GALK2: variants seen among roughly 807,000 people sequenced by gnomAD.
The protein encoded by GALK2 is galactokinase 2.
GALK2 carries 36 observed loss-of-function variants against 52.4 expected under a neutral mutation model. The ratio of observed to expected loss-of-function variants is 0.69; its 90% confidence interval spans 0.53 to 0.91. The LOEUF (loss-of-function observed/expected upper bound fraction) is 0.91, where lower values mean the gene tolerates loss of function less well. Among genes scored for constraint, GALK2 ranks in the 40% least tolerant of loss-of-function variants. The pLI is 0.00. For missense variants in GALK2, 579 were observed against 559.1 expected (o/e 1.04, Z -0.36); for synonymous variants, 176 against 199.1 (o/e 0.88, Z 0.98).
chr15:49,360,257 T>C (rs1567148570), intron 3 of GALK2, among the ~76,000 whole-genome samples: 1 of 150,832 alleles, frequency 6.6e-6, no homozygotes, highest in Non-Finnish European at 1.5e-5. Context: ...AAAAAAAGTC[T>C]GTGTATGCAT....
At chr15:49,267,061 GA>G (rs1195872234) in intron 5 of GALK2, among the ~76,000 whole-genome samples, 2 of 151,998 alleles carry the variant, frequency 1.3e-5, no homozygotes, top group Admixed American at 1.3e-4. Flanking sequence ...GGGTGTTAAA[GA>G]AAAAAATATT....
intron 2 of GALK2, among the ~76,000 whole-genome samples, chr15:49,209,640 G>A (rs1051488436): frequency 6.6e-6 from 1 of 152,072 alleles, no homozygotes; most frequent in African/African-American, 2.4e-5. Flanking sequence ...CGTATTTTTG[G>A]ATTTGTGTAT....
At chr15:49,200,308 G>T (rs967736503) in intron 1 of GALK2, among the ~76,000 whole-genome samples, 1 of 152,200 alleles carries the variant, frequency 6.6e-6, no homozygotes, top group African/African-American at 2.4e-5. Context: ...ATTAGAATTA[G>T]AACTGTGGTT....
intron 5 of GALK2, among the ~76,000 whole-genome samples, chr15:49,271,519 A>G (rs960068339): frequency 2.0e-5 from 3 of 152,326 alleles, no homozygotes; most frequent in African/African-American, 4.8e-5. Flanking sequence ...GAGATAAAGT[A>G]TAGTATTATG....
intron 5 of GALK2, among the ~76,000 whole-genome samples, chr15:49,246,936 T>C (rs1007593739): frequency 7.9e-5 from 12 of 152,226 alleles, no homozygotes; most frequent in African/African-American, 1.7e-4. Flanking sequence ...GTGCCCCTGC[T>C]TTTATGGAGT....
chr15:49,208,306 C>T (rs1453453538), intron 2 of GALK2, among the ~76,000 whole-genome samples: 4 of 152,184 alleles, frequency 2.6e-5, no homozygotes, highest in African/African-American at 4.8e-5. Context: ...GAACTTTCCT[C>T]TTAGCACTGC....
At chr15:49,340,756 T>C (rs2040600101) in intron 3 of GALK2, among the ~76,000 whole-genome samples, 1 of 152,210 alleles carries the variant, frequency 6.6e-6, no homozygotes, top group South Asian at 2.1e-4. Context: ...GTGCAGAAGC[T>C]CTTTAGTTTA....
At chr15:49,187,149 G>A (rs751836862) in intron 1 of GALK2, among the ~76,000 whole-genome samples, 2 of 152,164 alleles carry the variant, frequency 1.3e-5, no homozygotes, top group Non-Finnish European at 2.9e-5. Context: ...ATCTTTATTA[G>A]GGGGTACCCC....
In GALK2 at chr15:49,282,043, A is replaced by G. The variant is rs374509174; in HGVS notation, c.561A>G (p.Gly187=). Residue 187 remains glycine, a synonymous_variant, in exon 6 of 10, where the codon GGA becomes GGG. Coordinates refer to ENST00000560031, the MANE Select transcript of GALK2 (RefSeq NM_002044.4). ...KSERYIGTEG[G]GMDQSISFLA... ...AGCGTTACATTGGCACTGAAGGAGG[A>G]GGCATGGACCAGTCTATATCATTTC... 10 of 1,613,750 alleles carry G rather than the reference A, an allele frequency of 6.2e-6. No individual in the cohort carries two copies. In the South Asian group the frequency reaches 8.8e-5, roughly 14 times the overall value.
rs2029976413 is a variant in GALK2 at position 49,269,226 on chromosome 15, A to G, written c.505-12761A>G. Among the ~76,000 whole-genome samples, 7 of 152,188 alleles carry G rather than the reference A, an allele frequency of 4.6e-5. No homozygotes were observed. In the South Asian group the frequency reaches 1.2e-3, roughly 27 times the overall value. ...TTTTGGTTCTCCCATGGTGTGTAGC[A>G]TAGAGCCGCAAATATATATTTAAAA... On this transcript the variant is annotated intron_variant, in intron 5 of 9. Coordinates refer to ENST00000560031, the MANE Select transcript of GALK2 (RefSeq NM_002044.4).
chr15:49,186,311 CTT>C (rs2086334890), intron 1 of GALK2, among the ~76,000 whole-genome samples: 1 of 151,670 alleles, frequency 6.6e-6, no homozygotes, highest in Non-Finnish European at 1.5e-5. Context: ...ATTCTTTTTT[CTT>C]TTGTGTCCTC....
At chr15:49,301,546 A>G (rs922199553) in intron 8 of GALK2, among the ~76,000 whole-genome samples, 10 of 152,188 alleles carry the variant, frequency 6.6e-5, no homozygotes, top group Non-Finnish European at 1.5e-4. Context: ...GTATAACTCA[A>G]GAACACACAT....
chr15:49,223,177 A>T (rs2089926445), intron 3 of GALK2: 1 of 152,104 alleles, frequency 6.6e-6, no homozygotes, highest in Admixed American at 6.5e-5. Context: ...TGTATAGTAT[A>T]GTTGTTCATA....
In GALK2 at chr15:49,337,279, C is replaced by T. The variant is rs556878077; in HGVS notation, c.426+17474C>T. Among the ~76,000 whole-genome samples, 142 of 152,322 alleles carry T rather than the reference C, an allele frequency of 9.3e-4. 5 individuals carry two copies. The South Asian group carries it at 0.028, about 30-fold the overall frequency. On this transcript the variant is annotated intron_variant, in intron 3 of 3. Coordinates refer to the GALK2 transcript ENST00000558399. ...TTTGAGAAATCTCAACTACTTTTGA[C>T]AGTGGCTGAACTAATTTACGTTCCC...
intron 5 of GALK2, among the ~76,000 whole-genome samples, chr15:49,246,045 A>G (rs1447308060): frequency 3.9e-5 from 6 of 152,316 alleles, no homozygotes; most frequent in African/African-American, 7.2e-5. Flanking sequence ...CTATATAAAC[A>G]CCTTTCAGAA....
rs377590235 is a variant in GALK2 at position 49,175,376 on chromosome 15, G to T, written c.53+5001G>T. 5.0e-4 allele frequency among the ~76,000 whole-genome samples: 76 copies of T among 152,260 alleles called. 1 individual carries two copies. The highest frequency in any genetic ancestry group is 1.7e-3 in the African/African-American group (71 of 41,552). Reference sequence around the variant, plus strand: ...GTCCAATAGCTGCTATTGCTAGGGGGTTTAGCAAGAGAGTGGTTTTACTTG... The same window carrying T: ...GTCCAATAGCTGCTATTGCTAGGGGTTTTAGCAAGAGAGTGGTTTTACTTG... On this transcript the variant is annotated intron_variant, in intron 1 of 9. Transcript: ENST00000560031.
intron 7 of GALK2, among the ~76,000 whole-genome samples, chr15:49,288,633 C>T (rs934895335): frequency 4.6e-5 from 7 of 152,170 alleles, no homozygotes; most frequent in Non-Finnish European, 7.3e-5. Context: ...TCTGCCAAGA[C>T]TCTGGCATGG....
At chr15:49,239,107 A>G (rs1245218124) in intron 4 of GALK2, 114 bp from the exon 5 acceptor site, 9 of 805,268 alleles carry the variant, frequency 1.1e-5, no homozygotes, top group Non-Finnish European at 1.8e-5. Flanking sequence ...AGTAGTTTCT[A>G]TAACTATTAT....
chr15:49,338,137 G>A (rs1596283924), intron 3 of GALK2, among the ~76,000 whole-genome samples: 1 of 152,136 alleles, frequency 6.6e-6, no homozygotes, highest in Non-Finnish European at 1.5e-5. Flanking sequence ...TACATTTAAG[G>A]TTAATATTGT....
Sources: allele counts gnomAD v4.1 joint callset (sites outside exome capture counted in the v4.1 genomes callset), GRCh38; gene constraint gnomAD v4.1.1; transcripts MANE v1.5; gene names NCBI Gene and HGNC (gene_info 2026-07-23, HGNC 2026-07-21).